The following SLC25A42 variants were observed in gnomAD, a reference collection of about 807,000 sequenced individuals.
SLC25A42 encodes the protein mitochondrial coenzyme A transporter SLC25A42.
In SLC25A42, 19 loss-of-function variants were observed where a neutral mutation model predicts 34.7. The ratio of observed to expected loss-of-function variants is 0.55; its 90% confidence interval spans 0.38 to 0.80. SLC25A42 has a LOEUF of 0.80. Ranked by LOEUF, SLC25A42 falls within the 30% of genes least tolerant of loss-of-function variation. The pLI, the probability that SLC25A42 is intolerant of heterozygous loss-of-function variation, is 0.00. For missense variants in SLC25A42, 364 were observed against 441.3 expected, an observed-to-expected ratio of 0.82 and a Z score of 1.57; for synonymous variants, 205 against 191.2, an observed-to-expected ratio of 1.07 and a Z score of -0.59.
chr19:19,096,261 C>T (rs1042916536), intron 2 of SLC25A42, 56 bp downstream of exon 2: 11 of 1,429,310 alleles, frequency 7.7e-6, no homozygotes, highest in South Asian at 1.2e-5. Context: ...GCCTCCCCAC[C>T]CCCCCTCCCA....
At position 19,113,019 on chromosome 19, in the gene SLC25A42, T is replaced by A. The variant is rs1406045311; in HGVS notation, c.*2143T>A. The A allele has an allele frequency of 6.6e-6, 1 of 151,536 alleles. No homozygotes were observed. The highest frequency in any genetic ancestry group is 1.5e-5 in the Non-Finnish European group (1 of 67,938). 9.4% of individuals were successfully genotyped at this position (151,536 alleles called of 1,614,324 possible). The stretch of plus-strand genomic sequence containing the variant: ...GAATAAAAGTCTTGAATAAAGAAGT[T>A]TTTAAATGCAATTGTTGTTTGAATT... On this transcript the variant is annotated 3_prime_UTR_variant, in exon 8 of 8. Coordinates refer to ENST00000318596, the MANE Select transcript of SLC25A42 (RefSeq NM_178526.5).
chr19:19,092,395 G>T (rs928827779), intron 1 of SLC25A42, among the ~76,000 whole-genome samples: 3 of 152,220 alleles, frequency 2.0e-5, no homozygotes, highest in African/African-American at 7.2e-5. Context: ...CAGCCAGGTT[G>T]TGCAGTGACT....
In SLC25A42 at chr19:19,105,600, G is replaced by A; in HGVS notation, c.253G>A (p.Gly85Arg). Residue 85 changes from glycine (G) to arginine (R), a missense_variant, in exon 5 of 8, where the codon GGA becomes AGA. By Grantham distance (125) the Gly-to-Arg change is moderately radical (BLOSUM62 -2). Transcript: ENST00000318596. The part of the protein sequence containing the change: ...RVLYYTYLNE[G>R]FLSLWRGNSA... ...CCTCTACTACACCTACCTCAACGAG[G>A]GATTTCTCAGCTTGTGGCGCGGGAA... is the stretch of plus-strand genomic sequence containing the variant. The A allele has an allele frequency of 6.2e-7, 1 of 1,614,000 alleles. No homozygotes were observed. Among genetic ancestry groups the A allele is most frequent in the Non-Finnish European group, 8.5e-7 (1 of 1,179,956 alleles).
chr19:19,095,778 G>A (rs1040885447), intron 1 of SLC25A42, among the ~76,000 whole-genome samples: 3 of 152,206 alleles, frequency 2.0e-5, no homozygotes, highest in African/African-American at 7.2e-5. Context: ...TGAGCACCTC[G>A]GCCACGCTGG....
In SLC25A42 at chr19:19,096,156, G is replaced by A. The variant is rs761258835; in HGVS notation, c.32G>A (p.Arg11Gln). The A allele has an allele frequency of 4.3e-5, 69 of 1,613,406 alleles. No individual in the cohort carries two copies. The highest frequency in any genetic ancestry group is 1.8e-4 in the East Asian group (8 of 44,876). The change falls in exon 2 of 8, where the codon CGA becomes CAA. Residue 11 changes from arginine (R) to glutamine (Q), a missense_variant. Arg to Gln is a conservative substitution (Grantham distance 43). Transcript: ENST00000318596. The stretch of plus-strand genomic sequence containing the variant: ...AATGGTGTGAAGGAAGGCCCGGTGC[G>A]ATTGCATGAGGATGCTGAGGCTGTC... MGNGVKEGPV[R>Q]LHEDAEAVLS...
chr19:19,083,677 G>A (rs905766153), intron 1 of SLC25A42, among the ~76,000 whole-genome samples: 1 of 152,206 alleles, frequency 6.6e-6, no homozygotes, highest in Non-Finnish European at 1.5e-5. Context: ...AACGAGTGTC[G>A]TGGAGGGAAG....
chr19:19,069,052 A>G (rs547513864), intron 1 of SLC25A42, among the ~76,000 whole-genome samples: 10 of 151,778 alleles, frequency 6.6e-5, no homozygotes, highest in East Asian at 1.9e-4. Flanking sequence ...AGTATATAAC[A>G]TGTATGTGAA....
intron 1 of SLC25A42, among the ~76,000 whole-genome samples, chr19:19,077,482 C>G (rs944822003): frequency 1.3e-5 from 2 of 152,190 alleles, no homozygotes; most frequent in East Asian, 3.8e-4. Flanking sequence ...GTGACTGGCT[C>G]ATTTCACTCA....
chr19:19,104,669 T>C (rs1042318320), intron 3 of SLC25A42, among the ~76,000 whole-genome samples: 5 of 151,998 alleles, frequency 3.3e-5, no homozygotes, highest in African/African-American at 9.7e-5. Context: ...CTGCAGGGGT[T>C]TGGGTGAATG....
chr19:19,071,150 G>A (rs548226277), intron 1 of SLC25A42, among the ~76,000 whole-genome samples: 2 of 152,122 alleles, frequency 1.3e-5, no homozygotes, highest in African/African-American at 4.8e-5. Context: ...GGGACTATAG[G>A]CATGCACCAC....
chr19:19,090,640 C>T (rs969090990), intron 1 of SLC25A42, among the ~76,000 whole-genome samples: 5 of 151,704 alleles, frequency 3.3e-5, no homozygotes, highest in African/African-American at 9.7e-5. Context: ...GGTGAGACCC[C>T]GTCTCAAAAC....
At position 19,101,790 on chromosome 19, in the gene SLC25A42, A is replaced by C; in HGVS notation, c.91A>C (p.Arg31=). ...ACATGTTCTGTTGCAGCGTGACCAC[A>C]GGCAAGTGCTCAGCTCCCTGCTGTC... is the stretch of plus-strand genomic sequence containing the variant. ...SSSVSSKRDH[R]QVLSSLLSGA... The change falls in exon 3 of 8, where the codon AGG becomes CGG. Residue 31 remains arginine (R), a synonymous_variant. Transcript: ENST00000318596. 6.2e-7 allele frequency: 1 copy of C among 1,612,642 alleles called. No individual in the cohort carries two copies. The highest frequency in any genetic ancestry group is 1.1e-5 in the South Asian group (1 of 90,912).
chr19:19,064,470 C>A (rs1189661791), intron 1 of SLC25A42, among the ~76,000 whole-genome samples: 1 of 133,982 alleles, frequency 7.5e-6, no homozygotes, highest in Admixed American at 7.7e-5. Flanking sequence ...CTCACGAACA[C>A]CCCCCACATC....
At chr19:19,078,710 T>A (rs2059666963) in intron 1 of SLC25A42, among the ~76,000 whole-genome samples, 1 of 152,174 alleles carries the variant, frequency 6.6e-6, no homozygotes, top group South Asian at 2.1e-4. Context: ...TCATGAACAC[T>A]GCCTGAGTCA....
intron 6 of SLC25A42, among the ~76,000 whole-genome samples, chr19:19,107,121 C>T (rs2059835264): frequency 6.6e-6 from 1 of 151,916 alleles, no homozygotes; most frequent in South Asian, 2.1e-4. Flanking sequence ...AGTTTGAGAC[C>T]AGCCTGGGCA....
intron 4 of SLC25A42, 190 bp downstream of exon 4, chr19:19,105,128 A>C: frequency 1.5e-6 from 1 of 682,498 alleles, no homozygotes; most frequent in South Asian, 1.8e-5. Flanking sequence ...TCCTTCCGGC[A>C]GTGGGGTGGG....
rs1308188155 is a variant in SLC25A42, at chr19:19,095,854, C to T, written c.-34-237C>T. On this transcript the variant is annotated intron_variant, in intron 1 of 7. Transcript: ENST00000318596. ...CTTAACTTCTCTGAGCCTGTTTGCT[C>T]CCTGGGCACCAGATTTGGAAAAAGA... 4 of 548,770 alleles carry T rather than the reference C, an allele frequency of 7.3e-6. No homozygotes were observed. The Admixed American group carries it at 9.9e-5, about 14-fold the overall frequency. 34.0% of individuals were successfully genotyped at this position (548,770 alleles called of 1,614,324 possible).
At chr19:19,103,058 C>G (rs1354960875) in intron 3 of SLC25A42, among the ~76,000 whole-genome samples, 2 of 152,024 alleles carry the variant, frequency 1.3e-5, no homozygotes, top group Non-Finnish European at 1.5e-5. Context: ...CCCTGTGTGT[C>G]TGTTTTCTCT....
At chr19:19,101,651 C>G (rs1170691459) in intron 2 of SLC25A42, 130 bp from the exon 3 acceptor site, 25 of 744,856 alleles carry the variant, frequency 3.4e-5, no homozygotes, top group Non-Finnish European at 3.8e-5. Flanking sequence ...CCAAGCAAGG[C>G]CAACATACTC....
Sources: gnomAD v4.1 joint callset for allele counts (sites outside exome capture counted in the v4.1 genomes callset) on GRCh38, gnomAD v4.1.1 for gene constraint, MANE v1.5 for transcripts, NCBI Gene and HGNC (gene_info 2026-07-23, HGNC 2026-07-21) for gene names.